The following ULK2 variants were observed in gnomAD, a reference collection of about 807,000 sequenced individuals.
The protein encoded by ULK2 is unc-51 like autophagy activating kinase 2.
In ULK2, 76 loss-of-function variants were observed where a neutral mutation model predicts 127.5. The ratio of observed to expected loss-of-function variants is 0.60; its 90% CI spans 0.50 to 0.72. The LOEUF (loss-of-function observed/expected upper bound fraction) is 0.72, where lower values mean the gene tolerates loss of function less well. Ranked by LOEUF, ULK2 falls within the 30% of genes least tolerant of loss-of-function variation. The pLI is 0.00. For missense variants in ULK2, 1,144 were observed against 1,295.9 expected, an observed-to-expected ratio of 0.88 and a Z score of 1.80; for synonymous variants, 452 against 461.9, an observed-to-expected ratio of 0.98 and a Z score of 0.28.
intron 21 of ULK2, among the ~76,000 whole-genome samples, chr17:19,785,071 C>T (rs1390578195): frequency 6.6e-6 from 1 of 151,936 alleles, no homozygotes; most frequent in African/African-American, 2.4e-5. Context: ...ATTTCAAGTC[C>T]AATCTAAATA....
chr17:19,856,799 C>T (rs1196226829), intron 3 of ULK2, among the ~76,000 whole-genome samples: 13 of 150,204 alleles, frequency 8.7e-5, no homozygotes, highest in African/African-American at 1.5e-4. Context: ...GGTGAAACCC[C>T]GTCTCTACTA....
At chr17:19,814,456 T>TTTTGTTTTTTTG (rs1555557156) in intron 13 of ULK2, among the ~76,000 whole-genome samples, 3 of 18,254 alleles carry the variant, frequency 1.6e-4, no homozygotes, top group Non-Finnish European at 2.2e-4. Context: ...TTTTTTTTTT[T>TTTTGTTTTTTTG]TTTTTTTGGA....
Position 19,797,619 on chromosome 17 carries a change from G to T in ULK2, c.1586C>A (p.Ala529Asp). 6.2e-7 allele frequency: 1 copy of T among 1,612,724 alleles called. No individual in the cohort carries two copies. Among genetic ancestry groups the T allele is most frequent in the Non-Finnish European group, 8.5e-7 (1 of 1,179,430 alleles). The change falls in exon 18 of 27, where the codon GCC becomes GAC. Residue 529 changes from alanine to aspartate, a missense_variant. Coordinates refer to ENST00000395544, the MANE Select transcript of ULK2 (RefSeq NM_014683.4). ...SLLSGARLQSAPTLTDIYQNK... is the reference protein window; with the variant it reads ...SLLSGARLQSDPTLTDIYQNK... ...CTGATAGATGTCAGTGAGGGTGGGG[G>T]CGCTCTGCAGTCTAGCACCCGATAA...
At position 19,774,472 on chromosome 17, in the gene ULK2, G is replaced by A. The variant is rs1189017179; in HGVS notation, c.*1877C>T. ...AATGGGAGAGGAAGAGGAGAGGATAGAATAAACCTACAACTGAGATAACAC... is the reference window on the plus strand; with the variant it reads ...AATGGGAGAGGAAGAGGAGAGGATAAAATAAACCTACAACTGAGATAACAC... On this transcript the variant is annotated 3_prime_UTR_variant, in exon 27 of 27. Transcript: ENST00000395544. 2 of 152,200 alleles carry A rather than the reference G, an allele frequency of 1.3e-5. No individual in the cohort carries two copies. Among genetic ancestry groups the A allele is most frequent in the Non-Finnish European group, 2.9e-5 (2 of 68,034 alleles). The allele number at this position is 152,200 out of a possible 1,614,324, so 9.4% of individuals were successfully genotyped here.
At position 19,840,911 on chromosome 17, in the gene ULK2, T is replaced by C. The variant is rs933892922; in HGVS notation, c.704+578A>G. ...CTCAAAAACAAAAAAAAGCATACAG[T>C]GCCTCTCTACATCTTGCTGCGGAAC... On this transcript the variant is annotated intron_variant, in intron 9 of 26. Transcript: ENST00000395544. 2.6e-5 allele frequency among the ~76,000 whole-genome samples: 4 copies of C among 151,760 alleles called. No individual in the cohort carries two copies. The South Asian group carries it at 6.2e-4, about 24-fold the overall frequency.
intron 5 of ULK2, chr17:19,848,414 T>A (rs996422626): frequency 6.6e-6 from 1 of 152,212 alleles, no homozygotes; most frequent in African/African-American, 2.4e-5. Flanking sequence ...GGTTTTAAAA[T>A]CATTTTAATG....
At chr17:19,806,375 C>A (rs538751793) in intron 14 of ULK2, among the ~76,000 whole-genome samples, 5 of 152,230 alleles carry the variant, frequency 3.3e-5, no homozygotes, top group Admixed American at 6.5e-5. Context: ...ACTGGTTAAT[C>A]TCCAAAGGGA....
intron 8 of ULK2, among the ~76,000 whole-genome samples, chr17:19,842,144 A>G (rs73980721): frequency 0.015 from 2,223 of 151,848 alleles, 49 homozygotes; most frequent in African/African-American, 0.051. Context: ...AACTAGACTA[A>G]GAAATTAAAA....
In ULK2 at chr17:19,845,418, T is replaced by C. The variant is rs1217156047; in HGVS notation, c.470-41A>G. Reference sequence around the variant, plus strand: ...GAAAGTAGAAAAGCAAATTACGTCTTCGCTCATACCTAACATATATCATAT... The same window carrying C: ...GAAAGTAGAAAAGCAAATTACGTCTCCGCTCATACCTAACATATATCATAT... On this transcript the variant is annotated intron_variant, in intron 6 of 26. Coordinates refer to ENST00000395544, the MANE Select transcript of ULK2 (RefSeq NM_014683.4). 3.5e-6 allele frequency: 5 copies of C among 1,434,828 alleles called. No homozygotes were observed. The African/African-American group carries it at 5.6e-5, about 16-fold the overall frequency. The allele number at this position is 1,434,828 out of a possible 1,614,324, so 88.9% of individuals were successfully genotyped here. A position where few individuals can be genotyped will look rare whatever the true frequency, so the allele number is the denominator to read the frequency against.
At chr17:19,813,895 T>C (rs866126910) in intron 13 of ULK2, among the ~76,000 whole-genome samples, 11 of 152,280 alleles carry the variant, frequency 7.2e-5, no homozygotes, top group Middle Eastern at 3.4e-3. Context: ...ATACAGTCAA[T>C]GCAATTCCCA....
intron 20 of ULK2, among the ~76,000 whole-genome samples, chr17:19,793,987 C>CAGATAG (rs2087211852): frequency 6.6e-6 from 1 of 152,048 alleles, no homozygotes; most frequent in Admixed American, 6.6e-5. Context: ...CATGCAAGAA[C>CAGATAG]AGATAGGTAA....
At chr17:19,785,899 T>C (rs1348291944) in intron 21 of ULK2, 38 bp downstream of exon 21, 4 of 1,585,966 alleles carry the variant, frequency 2.5e-6, no homozygotes, top group East Asian at 2.4e-5. Flanking sequence ...ACATTCCAAA[T>C]ACTAGCCAAA....
In ULK2 at chr17:19,781,951, G is replaced by A. The variant is rs768496276; in HGVS notation, c.2577C>T (p.Ser859=). ...CCACACTCTCCTGGATCTGGTACAAGGACACAGCAGATGTGCACAGCTCAG... is the reference window on the plus strand; with the variant it reads ...CCACACTCTCCTGGATCTGGTACAAAGACACAGCAGATGTGCACAGCTCAG... ...GNPELCTSAV[S]LYQIQESVVV... The change falls in exon 23 of 27, where the codon TCC becomes TCT. Residue 859 remains serine (S), a synonymous_variant. Transcript: ENST00000395544. 2.5e-6 allele frequency: 4 copies of A among 1,614,220 alleles called. No individual in the cohort carries two copies. The highest frequency in any genetic ancestry group is 2.5e-6 in the Non-Finnish European group (3 of 1,180,032).
At chr17:19,791,812 C>T (rs1341925087) in intron 20 of ULK2, among the ~76,000 whole-genome samples, 3 of 137,498 alleles carry the variant, frequency 2.2e-5, no homozygotes, top group African/African-American at 8.3e-5. Context: ...GCACCAAGAT[C>T]GTGCCACTGC....
At position 19,772,219 on chromosome 17, in the gene ULK2, C is replaced by T. The variant is rs1385008202; in HGVS notation, c.*4130G>A. ...AATTCACTTTGATCTTTTACCAGTT[C>T]GGCTTCACCTCTTGCACCAAAGCTG... On this transcript the variant is annotated 3_prime_UTR_variant, in exon 27 of 27. Transcript: ENST00000395544. 10 of 152,228 alleles carry T rather than the reference C, an allele frequency of 6.6e-5. No homozygotes were observed. The highest frequency in any genetic ancestry group is 1.9e-4 in the East Asian group (1 of 5,204). 9.4% of individuals were successfully genotyped at this position (152,228 alleles called of 1,614,324 possible).
chr17:19,799,054 G>C (rs2087337163), intron 17 of ULK2, among the ~76,000 whole-genome samples: 1 of 151,914 alleles, frequency 6.6e-6, no homozygotes, highest in Non-Finnish European at 1.5e-5. Flanking sequence ...CCAGCTACTT[G>C]GGTGGCTGAG....
intron 11 of ULK2, among the ~76,000 whole-genome samples, chr17:19,825,620 G>C (rs956860712): frequency 1.3e-5 from 2 of 151,906 alleles, no homozygotes; most frequent in African/African-American, 4.8e-5. Context: ...TGAGGCAGGA[G>C]AATCACTTGA....
intron 12 of ULK2, 75 bp from the exon 13 acceptor site, chr17:19,816,995 T>A: frequency 1.4e-6 from 1 of 725,730 alleles, no homozygotes; most frequent in Non-Finnish European, 1.8e-6. Context: ...GACTAAGGAA[T>A]TTTTTTTTTT....
chr17:19,853,909 G>A (rs1406024582), intron 3 of ULK2, among the ~76,000 whole-genome samples: 3 of 152,184 alleles, frequency 2.0e-5, no homozygotes, highest in Non-Finnish European at 2.9e-5. Flanking sequence ...TGAGTGATAG[G>A]ATTTCAACAT....
Sources: allele counts gnomAD v4.1 joint callset (sites outside exome capture counted in the v4.1 genomes callset), GRCh38; gene constraint gnomAD v4.1.1; transcripts MANE v1.5; gene names NCBI Gene and HGNC (gene_info 2026-07-23, HGNC 2026-07-21).